LINC00632: variants seen among roughly 807,000 people sequenced by gnomAD.
LINC00632 encodes long independently transcribed non-coding RNA 632.
intron 2 of LINC00632, among the ~76,000 whole-genome samples, chrX:140,724,861 CACAG>C (rs1176421844): frequency 1.9e-4 from 19 of 98,608 alleles, no homozygotes; most frequent in East Asian, 6.8e-4. Context: ...CATATACACA[CACAG>C]ACACATTCCA....
chrX:140,722,762 C>T (rs1348490912), intron 2 of LINC00632, among the ~76,000 whole-genome samples: 1 of 111,584 alleles, frequency 9.0e-6, no homozygotes, highest in Non-Finnish European at 1.9e-5. Context: ...AGAAACTTGC[C>T]GGGCAAAACA....
At chrX:140,773,665 A>C (rs1172023576) in exon 4 of LINC00632, among the ~76,000 whole-genome samples, 5 of 112,135 alleles carry the variant, frequency 4.5e-5, no homozygotes, top group Non-Finnish European at 9.4e-5. Flanking sequence ...AATGAAAAAA[A>C]AATCTTGACT....
chrX:140,724,835 A>G (rs764192724), intron 2 of LINC00632, among the ~76,000 whole-genome samples: 18 of 27,929 alleles, frequency 6.4e-4, no homozygotes, highest in Non-Finnish European at 1.1e-3. Context: ...CACACATTCC[A>G]CACGCACACA....
At chrX:140,737,322 T>C (rs1931160651) in intron 3 of LINC00632, among the ~76,000 whole-genome samples, 1 of 112,244 alleles carries the variant, frequency 8.9e-6, no homozygotes. Context: ...ATTTAATTTT[T>C]AACTTTTTAA....
chrX:140,766,755 GA>G (rs1931698422), intron 3 of LINC00632, among the ~76,000 whole-genome samples: 1 of 112,100 alleles, frequency 8.9e-6, no homozygotes, highest in Non-Finnish European at 1.9e-5. Flanking sequence ...AACAAAGAAA[GA>G]ATGTGTATGA....
In LINC00632 at chrX:140,779,398, C is replaced by T. The variant is rs752991890; in HGVS notation, n.7417C>T. 2.7e-5 allele frequency among the ~76,000 whole-genome samples: 3 copies of T among 112,171 alleles called. No homozygotes were observed. The South Asian group carries it at 1.1e-3, about 42-fold the overall frequency. On this transcript the variant is annotated non_coding_transcript_exon_variant, in exon 5 of 5. Coordinates refer to ENST00000648200, the Ensembl canonical transcript of LINC00632. ...AATGCAGAGAAAGCTCTTTAAATTACACATTTGGATTACATAGCTTCTACC... is the reference window on the plus strand; with the variant it reads ...AATGCAGAGAAAGCTCTTTAAATTATACATTTGGATTACATAGCTTCTACC...
intron 3 of LINC00632, among the ~76,000 whole-genome samples, chrX:140,742,394 G>T (rs1475906681): frequency 9.0e-6 from 1 of 111,364 alleles, no homozygotes; most frequent in Non-Finnish European, 1.9e-5. Flanking sequence ...TCAAGTAAGT[G>T]ACTTTCCTAT....
rs1475202970 is a variant in LINC00632 at position 140,731,413 on chromosome X, G to A, written n.105-2465G>A. On this transcript the variant is annotated intron_variant and non_coding_transcript_variant, in intron 2 of 4. Coordinates refer to ENST00000648200, the Ensembl canonical transcript of LINC00632. ...TTAGGTATTGAAATGCTCTGTGGTA[G>A]AGCACAAGGAATATGAGTTTGGTGT... is the stretch of plus-strand genomic sequence containing the variant. Among the ~76,000 whole-genome samples, 4 of 111,680 alleles carry A rather than the reference G, an allele frequency of 3.6e-5. No individual in the cohort carries two copies. In the East Asian group the frequency reaches 8.5e-4, roughly 24 times the overall value.
At chrX:140,723,491 TACACGCACAC>T (rs1930785336) in intron 2 of LINC00632, among the ~76,000 whole-genome samples, 1 of 1,078 alleles carries the variant, frequency 9.3e-4, no homozygotes, top group African/African-American at 2.7e-3. Context: ...ACACATTCCA[TACACGCACAC>T]ACACATTCCA....
chrX:140,786,251 C>T (rs187340519), exon 5 of LINC00632, among the ~76,000 whole-genome samples: 126 of 112,172 alleles, frequency 1.1e-3, no homozygotes, highest in African/African-American at 3.9e-3. Context: ...CTCATTCATT[C>T]AACAAATATT....
chrX:140,716,812 C>G (rs1450927978), intron 2 of LINC00632, among the ~76,000 whole-genome samples: 2 of 106,956 alleles, frequency 1.9e-5, no homozygotes, highest in Non-Finnish European at 3.8e-5. Context: ...CACACACACA[C>G]ACAGACACAC....
At position 140,753,722 on chromosome X, in the gene LINC00632, A is replaced by G. The variant is rs186854822; in HGVS notation, n.192-18356A>G. Among the ~76,000 whole-genome samples the G allele has an allele frequency of 4.7e-3, 509 of 108,314 alleles. 2 individuals carry two copies. Among genetic ancestry groups the G allele is most frequent in the African/African-American group, 0.016 (472 of 29,779 alleles). 94.1% of individuals were successfully genotyped at this position (108,314 alleles called of 115,157 possible). A position where few individuals can be genotyped will look rare whatever the true frequency, so the allele number is the denominator to read the frequency against. On this transcript the variant is annotated intron_variant and non_coding_transcript_variant, in intron 3 of 4. Coordinates refer to ENST00000648200, the Ensembl canonical transcript of LINC00632. Reference sequence around the variant, plus strand: ...AAATATGCTATTCCAAATATTGAAAATGATACCCATGGTGCCTATATTTCT... The same window carrying G: ...AAATATGCTATTCCAAATATTGAAAGTGATACCCATGGTGCCTATATTTCT...
At chrX:140,751,058 T>C (rs1015795090) in intron 3 of LINC00632, among the ~76,000 whole-genome samples, 3 of 111,906 alleles carry the variant, frequency 2.7e-5, no homozygotes, top group Non-Finnish European at 5.6e-5. Flanking sequence ...ATTTTTGCAA[T>C]TGTGAATTGT....
chrX:140,758,482 T>C (rs1271499057), intron 3 of LINC00632, among the ~76,000 whole-genome samples: 1 of 107,318 alleles, frequency 9.3e-6, no homozygotes. Context: ...CAAGTGATTC[T>C]CCTGCCCCAG....
At chrX:140,722,648 C>T (rs1016898891) in intron 2 of LINC00632, among the ~76,000 whole-genome samples, 7 of 111,074 alleles carry the variant, frequency 6.3e-5, no homozygotes, top group Non-Finnish European at 1.1e-4. Flanking sequence ...AAACCAGACA[C>T]GCCTTATATC....
At chrX:140,718,037 G>A (rs771282505) in intron 2 of LINC00632, among the ~76,000 whole-genome samples, 27 of 110,696 alleles carry the variant, frequency 2.4e-4, no homozygotes, top group Non-Finnish European at 4.3e-4. Flanking sequence ...TTGGGAGGCC[G>A]AGGCAGGAGA....
exon 5 of LINC00632, among the ~76,000 whole-genome samples, chrX:140,778,156 C>A (rs2148403639): frequency 8.9e-6 from 1 of 112,587 alleles, no homozygotes; most frequent in African/African-American, 3.2e-5. Context: ...TATTTTGTAT[C>A]TATTGTTTCC....
At chrX:140,723,046 A>AAT (rs1930758888) in intron 2 of LINC00632, among the ~76,000 whole-genome samples, 1 of 109,785 alleles carries the variant, frequency 9.1e-6, no homozygotes, top group South Asian at 3.9e-4. Context: ...ATCTCAAAAA[A>AAT]AAAAAAAGAA....
exon 4 of LINC00632, among the ~76,000 whole-genome samples, chrX:140,773,914 C>T (rs1452360972): frequency 8.9e-6 from 1 of 112,291 alleles, no homozygotes; most frequent in African/African-American, 3.2e-5. Context: ...GTTTGTAATG[C>T]TTTAACAGGT....
Sources: allele counts gnomAD v4.1 joint callset (sites outside exome capture counted in the v4.1 genomes callset), GRCh38; gene constraint gnomAD v4.1.1; transcripts MANE v1.5; gene names NCBI Gene and HGNC (gene_info 2026-07-23, HGNC 2026-07-21).